The following APC variants were observed in gnomAD, a reference collection of about 807,000 sequenced individuals.
APC encodes the protein adenomatous polyposis coli protein.
In APC, 72 loss-of-function variants were observed where a neutral mutation model predicts 247.0. That is an observed-to-expected ratio of 0.29 (90% CI 0.24 to 0.35). APC has a LOEUF of 0.35. Ranked by LOEUF, APC falls within the 10% of genes least tolerant of loss-of-function variation. The pLI is 1.00. For synonymous variants in APC, 1,254 were observed against 1,162.5 expected (o/e 1.08, Z -1.60); for missense variants, 3,400 against 3,360.7 (o/e 1.01, Z -0.29).
At chr5:112,771,904 C>G (rs1303492058) in intron 4 of APC, among the ~76,000 whole-genome samples, 1 of 152,166 alleles carries the variant, frequency 6.6e-6, no homozygotes, top group African/African-American at 2.4e-5. Context: ...CAGCTTGTAG[C>G]TTTATAAGCT....
Position 112,817,526 on chromosome 5 carries a change from A to C in APC, c.934-1440A>C, listed in dbSNP as rs531210501. On this transcript the variant is annotated intron_variant, in intron 9 of 15. Coordinates refer to ENST00000257430, the MANE Select transcript of APC (RefSeq NM_000038.6). ...CTCTAAATGAGAAAACTGAAGCAAA[A>C]AAAATTTTAGGCATGGAAATTTAAT... Among the ~76,000 whole-genome samples, 190 of 152,310 alleles carry C rather than the reference A, an allele frequency of 1.2e-3. 1 individual carries two copies. The Middle Eastern group carries it at 0.014, about 11-fold the overall frequency.
rs71590728 is a variant in APC at position 112,818,847 on chromosome 5, C to CGG, written c.934-112_934-111dup. On this transcript the variant is annotated intron_variant, in intron 9 of 15. Transcript: ENST00000257430. ...TTCCGGTTTTTTGTTTTTTTTTTGG[C>CGG]GGGGGGGGTTGTTTTGTTTTTTTAG... 1,439 of 684,948 alleles carry CGG rather than the reference C, an allele frequency of 2.1e-3. 41 individuals are homozygous for CGG. Among genetic ancestry groups the CGG allele is most frequent in the East Asian group, 0.011 (287 of 26,052 alleles). The allele number at this position is 684,948 out of a possible 1,614,324, so 42.4% of individuals were successfully genotyped here.
Position 112,841,553 on chromosome 5 carries a change from A to G in APC, c.5959A>G (p.Ile1987Val), listed in dbSNP as rs1269798265. 1.9e-6 allele frequency: 3 copies of G among 1,613,884 alleles called. No individual in the cohort carries two copies. Among genetic ancestry groups the G allele is most frequent in the African/African-American group, 2.7e-5 (2 of 74,920 alleles). The change falls in exon 16 of 16, where the codon ATC becomes GTC. Residue 1987 changes from isoleucine (I) to valine (V), a missense_variant. Coordinates refer to ENST00000257430, the MANE Select transcript of APC (RefSeq NM_000038.6). This position sits in a 1 kb window ranked among gnomAD's most constrained non-coding sequence, Gnocchi z 4.6. ...AAACAACAATAAAGAAAATGAACCT[A>G]TCAAAGAGACTGAGCCCCCTGACTC... ...QENNNKENEP[I>V]KETEPPDSQG... is the part of the protein sequence containing the mutation.
chr5:112,829,364 C>T lies in APC; in HGVS notation c.1743+392C>T, dbSNP rs144287107. ...TGGTAAGGCTGGTCTCGAACTACTC[C>T]TGACTTTGTGATCTGCCCAACTCGG... On this transcript the variant is annotated intron_variant, in intron 14 of 15. Coordinates refer to ENST00000257430, the MANE Select transcript of APC (RefSeq NM_000038.6). 355 of 204,442 alleles carry T rather than the reference C, an allele frequency of 1.7e-3. 2 individuals carry two copies. The highest frequency in any genetic ancestry group is 8.0e-3 in the African/African-American group (339 of 42,574). 12.7% of individuals were successfully genotyped at this position (204,442 alleles called of 1,614,324 possible). A position where few individuals can be genotyped will look rare whatever the true frequency, so the allele number is the denominator to read the frequency against.
At chr5:112,764,853 A>G (rs192543588) in intron 2 of APC, among the ~76,000 whole-genome samples, 1 of 152,350 alleles carries the variant, frequency 6.6e-6, no homozygotes, top group Non-Finnish European at 1.5e-5. Context: ...AATGGAAGAG[A>G]TGGTGCCCTG....
intron 1 of APC, among the ~76,000 whole-genome samples, chr5:112,750,406 A>G (rs1581107231): frequency 6.7e-6 from 1 of 149,378 alleles, no homozygotes; most frequent in Admixed American, 6.6e-5. Context: ...GCACTCCTTT[A>G]TTTTTACTGG....
intron 8 of APC, among the ~76,000 whole-genome samples, chr5:112,805,794 A>C (rs1761317844): frequency 6.6e-6 from 1 of 152,240 alleles, no homozygotes; most frequent in Admixed American, 6.5e-5. Context: ...ATGCTCTGCC[A>C]AAGTTCTGTC....
rs1045063324 is a variant in APC at position 112,707,593 on chromosome 5, A to T, written c.-125A>T. The T allele has an allele frequency of 2.2e-5, 22 of 992,554 alleles. No individual in the cohort carries two copies. The African/African-American group carries it at 3.3e-4, about 15-fold the overall frequency. The allele number at this position is 992,554 out of a possible 1,614,324, so 61.5% of individuals were successfully genotyped here. On this transcript the variant is annotated 5_prime_UTR_variant, in exon 1 of 14. Transcript: ENST00000507379. ...GAAGCCTAGCCGCTGCTCGGGGGGG[A>T]CCTGCGGGCTCAGGCCCGGGAGCTG...
intron 4 of APC, among the ~76,000 whole-genome samples, chr5:112,767,596 G>A (rs996935912): frequency 5.9e-5 from 9 of 152,146 alleles, no homozygotes; most frequent in Middle Eastern, 3.4e-3. Context: ...GGATTCTGAA[G>A]ACCTATTTTG....
At chr5:112,790,820 TG>T (rs1462746240) in intron 6 of APC, among the ~76,000 whole-genome samples, 16 of 152,240 alleles carry the variant, frequency 1.1e-4, no homozygotes, top group Non-Finnish European at 2.1e-4. Context: ...ATTTATCTGT[TG>T]GGGGTGATAT....
chr5:112,756,278 T>G (rs1346610537), intron 2 of APC, among the ~76,000 whole-genome samples: 1 of 152,230 alleles, frequency 6.6e-6, no homozygotes, highest in African/African-American at 2.4e-5. Context: ...CTAATTAGCC[T>G]CTTCTGTGGT....
At position 112,843,081 on chromosome 5, in the gene APC, AT is replaced by A; in HGVS notation, c.7489del (p.Ser2497ArgfsTer19). 6.2e-7 allele frequency: 1 copy of A among 1,613,986 alleles called. No homozygotes were observed. The highest frequency in any genetic ancestry group is 8.5e-7 in the Non-Finnish European group (1 of 1,179,882). On this transcript the variant is annotated frameshift_variant, in exon 16 of 16. Transcript: ENST00000257430. LOFTEE classifies it high-confidence loss of function. The surrounding 1 kb of genome is among the most constrained non-coding windows in gnomAD (Gnocchi z 4.8). ...CTTCCTGATATGTCTCTATCCACAC[AT>A]TCGTCTGTTCAGGCTGGTGGATGGC... ...PSLPDMSLST[H>X]SSVQAGGWRK...
intron 1 of APC, among the ~76,000 whole-genome samples, chr5:112,744,993 G>A (rs74618426): frequency 0.023 from 3,426 of 152,186 alleles, 131 homozygotes; most frequent in African/African-American, 0.078. Flanking sequence ...TGGTTGTGAG[G>A]ATTAAATGAG....
chr5:112,828,046 T>A (rs2149814424), intron 13 of APC, 40 bp downstream of exon 13: 1 of 1,554,344 alleles, frequency 6.4e-7, no homozygotes, highest in Non-Finnish European at 8.9e-7. Context: ...TTTTTCTCTT[T>A]TTCTTTGAGG....
intron 1 of APC, among the ~76,000 whole-genome samples, chr5:112,710,657 C>A (rs944976721): frequency 1.3e-5 from 2 of 152,150 alleles, no homozygotes; most frequent in African/African-American, 2.4e-5. Context: ...TATTTCTATT[C>A]TTTTCTTTAA....
intron 1 of APC, among the ~76,000 whole-genome samples, chr5:112,732,428 C>T (rs979530816): frequency 6.6e-6 from 1 of 152,174 alleles, no homozygotes; most frequent in Admixed American, 6.5e-5. Context: ...CCCGTGGCTG[C>T]ATCACAACAT....
At chr5:112,729,052 C>T (rs1751955366) in intron 1 of APC, among the ~76,000 whole-genome samples, 2 of 152,186 alleles carry the variant, frequency 1.3e-5, no homozygotes, top group Admixed American at 6.5e-5. Flanking sequence ...GATCTAATCT[C>T]CCATTCTTTA....
intron 2 of APC, among the ~76,000 whole-genome samples, chr5:112,756,121 G>A (rs1238493570): frequency 1.3e-5 from 2 of 152,168 alleles, no homozygotes; most frequent in East Asian, 3.9e-4. Flanking sequence ...TGCATTTCAA[G>A]GTTTCCCTTA....
rs1469658332 is a variant in APC at position 112,837,585 on chromosome 5, C to T, written c.1991C>T (p.Thr664Ile). Residue 664 changes from threonine (T) to isoleucine (I), a missense_variant, in exon 16 of 16, where the codon ACT (threonine) becomes ATT (isoleucine). This residue lies in a region of APC where 184 missense variants were observed against 248.0 expected (regional missense o/e 0.74). Transcript: ENST00000257430. ...CTAAGAGAGAACAACTGTCTACAAA[C>T]TTTATTACAACACTTAAAATCTCAT... Reference protein sequence around the residue: ...QILRENNCLQTLLQHLKSHSL... With the variant: ...QILRENNCLQILLQHLKSHSL... The T allele has an allele frequency of 6.2e-7, 1 of 1,612,936 alleles. No homozygotes were observed. Among genetic ancestry groups the T allele is most frequent in the South Asian group, 1.1e-5 (1 of 90,996 alleles).
Sources: allele counts gnomAD v4.1 joint callset (sites outside exome capture counted in the v4.1 genomes callset), GRCh38; gene constraint gnomAD v4.1.1; regional missense constraint gnomAD v4.1.1; non-coding constraint Gnocchi (gnomAD v3.1); transcripts MANE v1.5; gene names NCBI Gene and HGNC (gene_info 2026-07-23, HGNC 2026-07-21).